Variants in RGPD3 observed in about 807,000 individuals in gnomAD.
RGPD3 encodes the protein RANBP2 like and GRIP domain containing 3, also known as ranBP2-like and GRIP domain-containing protein 3.
Under a neutral mutation model 154.5 loss-of-function variants are expected in RGPD3, and 62 were observed. That is an observed-to-expected ratio of 0.40 (90% CI 0.33 to 0.50). The LOEUF (loss-of-function observed/expected upper bound fraction) is 0.50, where lower values mean the gene tolerates loss of function less well. Ranked by LOEUF, RGPD3 falls within the 20% of genes least tolerant of loss-of-function variation. RGPD3 has a pLI of 0.59. For missense variants in RGPD3, 919 were observed against 1,716.8 expected, an observed-to-expected ratio of 0.54 and a Z score of 8.21; for synonymous variants, 308 against 607.0, an observed-to-expected ratio of 0.51 and a Z score of 7.24.
chr2:106,468,479 C>G (rs530709881), upstream of RGPD3: 37 of 1,162,910 alleles, frequency 3.2e-5, 1 homozygote, highest in Middle Eastern at 6.0e-4. Flanking sequence ...GAGCTGCACT[C>G]GGCTGGGCTC....
In RGPD3 at chr2:106,434,254, CA is replaced by C. The variant is rs1295603137; in HGVS notation, c.2178del (p.Ser726ArgfsTer18). ...RGYLIKILDDSDSNLSVVKKL... is the reference protein window; with the variant it reads ...RGYLIKILDDXDSNLSVVKKL... Reference sequence around the variant, plus strand: ...TTCTTGACCACTGAAAGATTTGAATCACTGTCATCTAAAATCTTTATTAGGT... The same window carrying C: ...TTCTTGACCACTGAAAGATTTGAATCCTGTCATCTAAAATCTTTATTAGGT... On this transcript the variant is annotated frameshift_variant, in exon 15 of 23. Transcript: ENST00000409886. LOFTEE classifies it high-confidence loss of function. 1 of 1,594,978 alleles carries C rather than the reference CA, an allele frequency of 6.3e-7. No individual in the cohort carries two copies. Among genetic ancestry groups the C allele is most frequent in the Non-Finnish European group, 8.5e-7 (1 of 1,171,334 alleles).
At chr2:106,441,698 T>TAA (rs1210718607) in intron 7 of RGPD3, among the ~76,000 whole-genome samples, 3 of 128,758 alleles carry the variant, frequency 2.3e-5, no homozygotes, top group African/African-American at 6.2e-5. Context: ...CTACTAAAAA[T>TAA]AAAAAAAAAA....
rs1475055701 is a variant in RGPD3, at chr2:106,441,313, C to T, written c.1046G>A (p.Cys349Tyr). Residue 349 changes from cysteine (C) to tyrosine (Y), a missense_variant, in exon 8 of 23, where the codon TGT becomes TAT. Physicochemically the swap from Cys to Tyr is radical, Grantham distance 194. Coordinates refer to ENST00000409886, the MANE Select transcript of RGPD3 (RefSeq NM_001144013.2). ...ATTACCTGATTGGCTCAGTCGGTCACAGGCCATCATTTCCAGCAGATTTTG... is the reference window on the plus strand; with the variant it reads ...ATTACCTGATTGGCTCAGTCGGTCATAGGCCATCATTTCCAGCAGATTTTG... ...AGQNLLEMMA[C>Y]DRLSQSGHML... The T allele has an allele frequency of 6.4e-7, 1 of 1,561,098 alleles. No individual in the cohort carries two copies. The highest frequency in any genetic ancestry group is 1.4e-5 in the African/African-American group (1 of 71,388).
Position 106,424,645 on chromosome 2 carries a change from C to A in RGPD3, c.3322G>T (p.Val1108Leu), listed in dbSNP as rs779731415. 6 of 1,611,994 alleles carry A rather than the reference C, an allele frequency of 3.7e-6. No homozygotes were observed. The highest frequency in any genetic ancestry group is 1.7e-5 in the Admixed American group (1 of 60,014). Residue 1108 changes from valine to leucine, a missense_variant, in exon 20 of 23, where the codon GTG (valine) becomes TTG (leucine). Transcript: ENST00000409886. Reference sequence around the variant, plus strand: ...GTCGTTATCCAATGATTAGCACACACTTTTAGTACTTGTTCTCTTTGCATC... The same window carrying A: ...GTCGTTATCCAATGATTAGCACACAATTTTAGTACTTGTTCTCTTTGCATC... ...MLMQREQVLK[V>L]CANHWITTTM...
At position 106,405,960 on chromosome 2, in the gene RGPD3, TC is replaced by T. The variant is rs1282779972; in HGVS notation, c.5267-732del. ...TATACTTTGATGTTATGAATCAATG[TC>T]TGTTCTTGAACATTATTTATTGTCT... On this transcript the variant is annotated intron_variant, in intron 22 of 22. Transcript: ENST00000409886. Among the ~76,000 whole-genome samples, 14 of 137,648 alleles carry T rather than the reference TC, an allele frequency of 1.0e-4. No individual in the cohort carries two copies. The East Asian group carries it at 4.6e-3, about 46-fold the overall frequency. 90.3% of individuals were successfully genotyped at this position (137,648 alleles called of 152,430 possible).
intron 9 of RGPD3, among the ~76,000 whole-genome samples, chr2:106,438,551 G>C (rs937178053): frequency 6.6e-6 from 1 of 151,012 alleles, no homozygotes; most frequent in African/African-American, 2.4e-5. Flanking sequence ...GGAGGCCAAG[G>C]CAGGTGGATC....
intron 17 of RGPD3, among the ~76,000 whole-genome samples, chr2:106,430,051 T>C (rs1677322674): frequency 6.6e-6 from 1 of 151,250 alleles, no homozygotes; most frequent in Admixed American, 6.6e-5. Flanking sequence ...GCCCGGCTAA[T>C]TTTTTGTATA....
At position 106,417,911 on chromosome 2, in the gene RGPD3, C is replaced by T. The variant is rs1166468869; in HGVS notation, c.4925-1922G>A. 4.7e-5 allele frequency among the ~76,000 whole-genome samples: 7 copies of T among 150,066 alleles called. No individual in the cohort carries two copies. In the South Asian group the frequency reaches 6.3e-4, roughly 14 times the overall value. Reference sequence around the variant, plus strand: ...TTGGGAGGCTAAGGTGGGTGGATCACGAGGTCAGCAAGTTCAAGACCAGCC... The same window carrying T: ...TTGGGAGGCTAAGGTGGGTGGATCATGAGGTCAGCAAGTTCAAGACCAGCC... On this transcript the variant is annotated intron_variant, in intron 20 of 22. Transcript: ENST00000409886.
At chr2:106,414,655 C>A (rs961000060) in intron 21 of RGPD3, among the ~76,000 whole-genome samples, 1 of 150,524 alleles carries the variant, frequency 6.6e-6, no homozygotes, top group Non-Finnish European at 1.5e-5. Flanking sequence ...TTAAATAAGT[C>A]ATTTAGGTTT....
At chr2:106,451,239 T>G (rs1171643802) in intron 6 of RGPD3, among the ~76,000 whole-genome samples, 32 of 151,902 alleles carry the variant, frequency 2.1e-4, no homozygotes, top group African/African-American at 7.5e-4. Context: ...TCCTACATGT[T>G]TTCTAAAATA....
chr2:106,428,703 A>G (rs938129937), intron 18 of RGPD3, among the ~76,000 whole-genome samples: 1 of 151,810 alleles, frequency 6.6e-6, no homozygotes, highest in African/African-American at 2.4e-5. Context: ...GAGAAAAAAA[A>G]GGGCACTACT....
In RGPD3 at chr2:106,438,980, T is replaced by TAAG; in HGVS notation, c.1263_1264insCTT (p.Ala421_Arg422insLeu). On this transcript the variant is annotated inframe_insertion, in exon 9 of 23. Coordinates refer to ENST00000409886, the MANE Select transcript of RGPD3 (RefSeq NM_001144013.2). The stretch of plus-strand genomic sequence containing the variant: ...ACATATAACTTACCAACATCGTATC[T>TAAG]AGCCAAATCTTCAAGCTCTGGTTCT... The TAAG allele has an allele frequency of 3.7e-6, 1 of 269,550 alleles. No homozygotes were observed. The highest frequency in any genetic ancestry group is 6.6e-6 in the Non-Finnish European group (1 of 152,304). 16.7% of individuals were successfully genotyped at this position (269,550 alleles called of 1,614,324 possible).
intron 7 of RGPD3, among the ~76,000 whole-genome samples, chr2:106,445,276 G>A (rs1272203227): frequency 6.7e-6 from 1 of 149,934 alleles, no homozygotes; most frequent in Non-Finnish European, 1.5e-5. Flanking sequence ...GCGACAGAGT[G>A]AGACTCCGTC....
Position 106,424,409 on chromosome 2 carries a change from G to T in RGPD3, c.3558C>A (p.Gly1186=). 1.9e-6 allele frequency: 3 copies of T among 1,610,844 alleles called. No homozygotes were observed. Among genetic ancestry groups the T allele is most frequent in the East Asian group, 2.2e-5 (1 of 44,792 alleles). Residue 1186 remains glycine (G), a synonymous_variant, in exon 20 of 23, where the codon GGC becomes GGA. Transcript: ENST00000409886. Reference sequence around the variant, plus strand: ...CTCTCTGTATTAACTTGGCAGCTCTGCCAGTATCTACAAGTTTATGGGGAG... The same window carrying T: ...CTCTCTGTATTAACTTGGCAGCTCTTCCAGTATCTACAAGTTTATGGGGAG... ...LQTPHKLVDT[G]RAAKLIQRAE...
intron 21 of RGPD3, among the ~76,000 whole-genome samples, chr2:106,414,653 G>A (rs1191143876): frequency 4.0e-5 from 6 of 150,994 alleles, no homozygotes; most frequent in African/African-American, 1.5e-4. Flanking sequence ...ATTTAAATAA[G>A]TCATTTAGGT....
At chr2:106,449,655 A>T (rs1054267354) in intron 6 of RGPD3, among the ~76,000 whole-genome samples, 1 of 152,012 alleles carries the variant, frequency 6.6e-6, no homozygotes, top group Non-Finnish European at 1.5e-5. Flanking sequence ...AGGCAGGCAG[A>T]TCACGATGTC....
chr2:106,414,997 G>T (rs1333356580), intron 21 of RGPD3, among the ~76,000 whole-genome samples: 1 of 152,106 alleles, frequency 6.6e-6, no homozygotes, highest in Admixed American at 6.6e-5. Context: ...AGAGCCCAGG[G>T]CCTGGGTCAT....
chr2:106,408,893 C>T (rs1223315801), intron 22 of RGPD3, among the ~76,000 whole-genome samples: 90 of 149,636 alleles, frequency 6.0e-4, no homozygotes, highest in Middle Eastern at 3.4e-3. Context: ...GCCATGTTGC[C>T]CAGGCTGATT....
rs771232261 is a variant in RGPD3 at position 106,424,611 on chromosome 2, T to C, written c.3356A>G (p.Asn1119Ser). 1 of 1,611,824 alleles carries C rather than the reference T, an allele frequency of 6.2e-7. No individual in the cohort carries two copies. The highest frequency in any genetic ancestry group is 8.5e-7 in the Non-Finnish European group (1 of 1,179,860). ...ATCTGATCCAGAGAGGGGCTTCAGG[T>C]TCATTGTAGTCGTTATCCAATGATT... ...CANHWITTTM[N>S]LKPLSGSDRA... is the part of the protein sequence containing the mutation. The change falls in exon 20 of 23, where the codon AAC becomes AGC. Residue 1119 changes from asparagine (N) to serine (S), a missense_variant. Asn to Ser is a conservative substitution (Grantham distance 46, BLOSUM62 1). Transcript: ENST00000409886.
Sources: gnomAD v4.1 joint callset for allele counts (sites outside exome capture counted in the v4.1 genomes callset) on GRCh38, gnomAD v4.1.1 for gene constraint, MANE v1.5 for transcripts, NCBI Gene and HGNC (gene_info 2026-07-23, HGNC 2026-07-21) for gene names.